CTNNBL1: variants seen among roughly 807,000 people sequenced by gnomAD.
The protein encoded by CTNNBL1 is catenin beta like 1.
CTNNBL1 carries 31 observed loss-of-function variants against 72.7 expected under a neutral mutation model. The ratio of observed to expected loss-of-function variants is 0.43; its 90% CI spans 0.32 to 0.58. CTNNBL1 has a LOEUF of 0.58. Among genes scored for constraint, CTNNBL1 ranks in the 20% least tolerant of loss-of-function variants. The pLI is 0.08. For missense variants in CTNNBL1, 534 were observed against 725.1 expected, an observed-to-expected ratio of 0.74 and a Z score of 3.03; for synonymous variants, 240 against 267.3, an observed-to-expected ratio of 0.90 and a Z score of 1.00.
chr20:37,860,284 G>A lies in CTNNBL1; in HGVS notation c.1543G>A (p.Val515Ile). The change falls in exon 15 of 16, where the codon GTT becomes ATT. Residue 515 changes from valine (V) to isoleucine (I), a missense_variant. Physicochemically the swap from Val to Ile is conservative, Grantham distance 29. Coordinates refer to ENST00000361383, the MANE Select transcript of CTNNBL1 (RefSeq NM_030877.5). The stretch of plus-strand genomic sequence containing the variant: ...TTTCCCTTATTAGATTCGCCAGAGG[G>A]TTCACCAGATCCTAAACATGCGAGG... ...NANVPQIRQR[V>I]HQILNMRGSS... 6.2e-7 allele frequency: 1 copy of A among 1,614,054 alleles called. No homozygotes were observed. Among genetic ancestry groups the A allele is most frequent in the Non-Finnish European group, 8.5e-7 (1 of 1,179,926 alleles).
At chr20:37,818,778 G>A (rs940918202) in intron 11 of CTNNBL1, among the ~76,000 whole-genome samples, 4 of 152,146 alleles carry the variant, frequency 2.6e-5, no homozygotes, top group African/African-American at 9.7e-5. Flanking sequence ...ATTCTCCAAG[G>A]AGAGCTATGT....
chr20:37,701,576 G>A (rs1446403532), intron 1 of CTNNBL1, among the ~76,000 whole-genome samples: 1 of 152,160 alleles, frequency 6.6e-6, no homozygotes, highest in East Asian at 1.9e-4. Flanking sequence ...GATTTGGTTT[G>A]GTCATTGAAG....
rs148668163 is a variant in CTNNBL1, at chr20:37,714,071, T to TAA, written c.31-18799_31-18798dup. Among the ~76,000 whole-genome samples the TAA allele has an allele frequency of 1.5e-4, 23 of 149,646 alleles. 1 individual carries two copies. Among genetic ancestry groups the TAA allele is most frequent in the South Asian group, 1.1e-3 (5 of 4,756 alleles). Reference sequence around the variant, plus strand: ...GAGGGCTCCAATGGATGAAGTACTCTAAAAAAAAAACAAGAAGGAAGACCT... The same window carrying TAA: ...GAGGGCTCCAATGGATGAAGTACTCTAAAAAAAAAAAACAAGAAGGAAGACCT... On this transcript the variant is annotated intron_variant, in intron 1 of 15. Transcript: ENST00000361383.
At chr20:37,844,414 C>A (rs956866207) in intron 13 of CTNNBL1, among the ~76,000 whole-genome samples, 40 of 152,120 alleles carry the variant, frequency 2.6e-4, no homozygotes, top group Non-Finnish European at 4.1e-4. Flanking sequence ...AGTTAAACAA[C>A]GTTTGGTAAC....
intron 3 of CTNNBL1, among the ~76,000 whole-genome samples, chr20:37,745,328 G>A (rs1415992551): frequency 2.6e-5 from 4 of 152,098 alleles, no homozygotes; most frequent in East Asian, 1.9e-4. Context: ...CCTTTTCTTT[G>A]TGCCCTCAAT....
chr20:37,752,977 A>T (rs2073334338), intron 4 of CTNNBL1, among the ~76,000 whole-genome samples: 1 of 152,014 alleles, frequency 6.6e-6, no homozygotes, highest in Non-Finnish European at 1.5e-5. Flanking sequence ...AAAACCTATC[A>T]CCCATGCCCA....
intron 3 of CTNNBL1, among the ~76,000 whole-genome samples, chr20:37,745,900 A>G (rs986993810): frequency 6.6e-6 from 1 of 152,212 alleles, no homozygotes; most frequent in Non-Finnish European, 1.5e-5. Context: ...GTAAAGTATC[A>G]TGCTGTGTAA....
chr20:37,733,131 A>G (rs2073144398), intron 2 of CTNNBL1, 64 bp downstream of exon 2: 6 of 1,421,120 alleles, frequency 4.2e-6, no homozygotes, highest in Non-Finnish European at 5.9e-6. Context: ...TTTTGGGCCA[A>G]ATACTAAGCT....
At chr20:37,829,731 G>A (rs2072191537) in intron 11 of CTNNBL1, among the ~76,000 whole-genome samples, 1 of 152,076 alleles carries the variant, frequency 6.6e-6, no homozygotes. Context: ...TAACTCTGAT[G>A]CTACCTTTCC....
rs769577600 is a variant in CTNNBL1 at position 37,737,511 on chromosome 20, G to A, written c.326+27G>A. 29 of 1,470,448 alleles carry A rather than the reference G, an allele frequency of 2.0e-5. No individual in the cohort carries two copies. In the Admixed American group the frequency reaches 4.3e-4, roughly 22 times the overall value. 91.1% of individuals were successfully genotyped at this position (1,470,448 alleles called of 1,614,324 possible). On this transcript the variant is annotated intron_variant, in intron 3 of 15. Transcript: ENST00000361383. ...TAAGGTTCTGTTCCACTGATACCAT[G>A]TCTCCTCTGTGGCGTTTCGTTGGCT...
At chr20:37,777,809 C>A in intron 9 of CTNNBL1, 97 bp downstream of exon 9, 2 of 1,259,424 alleles carry the variant, frequency 1.6e-6, no homozygotes, top group Non-Finnish European at 2.3e-6. Flanking sequence ...AAGCCATGTG[C>A]TGCAAGCCAT....
chr20:37,822,140 G>A (rs1167319997), intron 11 of CTNNBL1, among the ~76,000 whole-genome samples: 3 of 152,194 alleles, frequency 2.0e-5, no homozygotes, highest in Non-Finnish European at 4.4e-5. Flanking sequence ...TCCTGTGCCA[G>A]CGTGTGTCTA....
intron 11 of CTNNBL1, among the ~76,000 whole-genome samples, chr20:37,822,248 T>G (rs962356668): frequency 1.3e-5 from 2 of 152,146 alleles, no homozygotes; most frequent in African/African-American, 2.4e-5. Flanking sequence ...GTGTCTTCCC[T>G]GAACAGAGAA....
At chr20:37,839,941 G>A (rs556969616) in intron 11 of CTNNBL1, among the ~76,000 whole-genome samples, 161 bp from the exon 12 acceptor site, 7 of 152,224 alleles carry the variant, frequency 4.6e-5, no homozygotes, top group African/African-American at 1.4e-4. Context: ...AGATTGGTTC[G>A]GTTTTTTAGT....
intron 3 of CTNNBL1, among the ~76,000 whole-genome samples, chr20:37,739,588 A>G (rs2073197564): frequency 6.6e-6 from 1 of 152,196 alleles, no homozygotes. Flanking sequence ...AATGATAGCT[A>G]CTGCCAATTT....
chr20:37,714,155 C>T (rs1179515967), intron 1 of CTNNBL1, among the ~76,000 whole-genome samples: 1 of 152,038 alleles, frequency 6.6e-6, no homozygotes. Context: ...TCCTCCAAGT[C>T]TACTCTGCCT....
chr20:37,694,931 G>A lies in CTNNBL1; in HGVS notation c.30+779G>A, dbSNP rs1019476812. ...TCCCCCACTTTGATTCCATAGGAGG[G>A]TCATTGCGAGGAGCAGTAGAGCTGC... On this transcript the variant is annotated intron_variant, in intron 1 of 15. Coordinates refer to ENST00000361383, the MANE Select transcript of CTNNBL1 (RefSeq NM_030877.5). 6 of 152,350 alleles carry A rather than the reference G, an allele frequency of 3.9e-5. No individual in the cohort carries two copies. The Middle Eastern group carries it at 0.01, about 259-fold the overall frequency. The allele number at this position is 152,350 out of a possible 1,614,324, so 9.4% of individuals were successfully genotyped here. A position where few individuals can be genotyped will look rare whatever the true frequency, so the allele number is the denominator to read the frequency against.
rs2072414696 is a variant in CTNNBL1 at position 37,853,583 on chromosome 20, T to C, written c.1393-6316T>C. Among the ~76,000 whole-genome samples the C allele has an allele frequency of 2.6e-5, 4 of 152,232 alleles. No homozygotes were observed. The South Asian group carries it at 8.3e-4, about 32-fold the overall frequency. On this transcript the variant is annotated intron_variant, in intron 13 of 15. Transcript: ENST00000361383. ...AGTCCTTATCTCAAGATCACCTTTCTATGTGGCATCTTGGGGACCCATAAA... is the reference window on the plus strand; with the variant it reads ...AGTCCTTATCTCAAGATCACCTTTCCATGTGGCATCTTGGGGACCCATAAA...
chr20:37,838,686 A>G (rs916646005), intron 11 of CTNNBL1, among the ~76,000 whole-genome samples: 6 of 152,164 alleles, frequency 3.9e-5, no homozygotes, highest in Admixed American at 2.0e-4. Flanking sequence ...CCAGGAGTTC[A>G]ACACCAACCT....
Sources: gnomAD v4.1 joint callset for allele counts (sites outside exome capture counted in the v4.1 genomes callset) on GRCh38, gnomAD v4.1.1 for gene constraint, MANE v1.5 for transcripts, NCBI Gene and HGNC (gene_info 2026-07-23, HGNC 2026-07-21) for gene names.